Variants in PPARGC1A observed in about 807,000 individuals in gnomAD.
PPARGC1A encodes peroxisome proliferator-activated receptor gamma coactivator 1-alpha.
PPARGC1A carries 25 observed loss-of-function variants against 88.7 expected under a neutral mutation model. The ratio of observed to expected loss-of-function variants is 0.28; its 90% CI spans 0.21 to 0.39. The LOEUF (loss-of-function observed/expected upper bound fraction) is 0.39. Ranked by LOEUF, PPARGC1A falls within the 10% of genes least tolerant of loss-of-function variation. PPARGC1A has a pLI of 1.00. For missense variants in PPARGC1A, 880 were observed against 968.7 expected, an observed-to-expected ratio of 0.91 and a Z score of 1.22; for synonymous variants, 363 against 355.6, an observed-to-expected ratio of 1.02 and a Z score of -0.24.
chr4:24,051,831 G>A, the PPARGC1A span, among the ~76,000 whole-genome samples: 3 of 151,860 alleles, frequency 2.0e-5, no homozygotes, highest in Non-Finnish European at 2.9e-5. Context: ...TCTGGGAGGT[G>A]AGATTATGGA....
intron 12 of PPARGC1A, 84 bp from the exon 13 acceptor site, chr4:23,796,009 C>T (rs1031957801): frequency 1.4e-5 from 13 of 902,058 alleles, no homozygotes; most frequent in South Asian, 9.7e-5. Context: ...TTACTGGATT[C>T]GATAACAACT....
the PPARGC1A span, among the ~76,000 whole-genome samples, chr4:24,226,333 T>C: frequency 6.6e-6 from 1 of 152,164 alleles, no homozygotes; most frequent in South Asian, 2.1e-4. Flanking sequence ...CTTTAATAGA[T>C]GTTCGCCGTG....
chr4:23,894,054 T>C (rs536882518), upstream of PPARGC1A, among the ~76,000 whole-genome samples: 2 of 152,228 alleles, frequency 1.3e-5, no homozygotes, highest in South Asian at 4.1e-4. Flanking sequence ...GCTGAAAGCC[T>C]TTCTAGGAAG....
the PPARGC1A span, among the ~76,000 whole-genome samples, chr4:24,373,630 C>T: frequency 2.0e-4 from 31 of 151,986 alleles, no homozygotes; most frequent in African/African-American, 6.8e-4. Context: ...AATTTATAAA[C>T]GAGAGACAAG....
At chr4:23,827,493 G>A (rs573208180) in intron 5 of PPARGC1A, among the ~76,000 whole-genome samples, 15 of 152,064 alleles carry the variant, frequency 9.9e-5, no homozygotes, top group Non-Finnish European at 2.2e-4. Flanking sequence ...CCACCACAAG[G>A]TTAAAGTAGA....
the PPARGC1A span, among the ~76,000 whole-genome samples, chr4:24,348,484 G>A: frequency 6.6e-6 from 1 of 152,100 alleles, no homozygotes; most frequent in East Asian, 1.9e-4. Flanking sequence ...AGACTTCTTG[G>A]AGGCTTTGTT....
At chr4:23,924,398 C>T in the PPARGC1A span, among the ~76,000 whole-genome samples, 3 of 152,182 alleles carry the variant, frequency 2.0e-5, no homozygotes, top group Admixed American at 6.5e-5. Context: ...GAGGCCGAGG[C>T]GGGTGGATCA....
chr4:24,241,985 C>G, the PPARGC1A span, among the ~76,000 whole-genome samples: 15 of 152,302 alleles, frequency 9.8e-5, no homozygotes, highest in Admixed American at 9.8e-4. Flanking sequence ...ATTTCTCCAG[C>G]TATTAGGGAG....
the PPARGC1A span, among the ~76,000 whole-genome samples, chr4:24,184,645 A>C: frequency 6.6e-6 from 1 of 152,190 alleles, no homozygotes; most frequent in Non-Finnish European, 1.5e-5. Context: ...GAAAGTAATG[A>C]TGCTGCTCTT....
the PPARGC1A span, among the ~76,000 whole-genome samples, chr4:24,093,348 T>C: frequency 1.3e-5 from 2 of 152,242 alleles, no homozygotes; most frequent in Non-Finnish European, 2.9e-5. Context: ...GAAGATTATA[T>C]AGGAACATGC....
the PPARGC1A span, among the ~76,000 whole-genome samples, chr4:24,423,479 T>C: frequency 6.6e-6 from 1 of 152,120 alleles, no homozygotes; most frequent in African/African-American, 2.4e-5. Context: ...CAAAGAAGTA[T>C]TCTATTTGTA....
chr4:23,965,269 GTTGCTTGTGTATCAGTTCAATTTA>G, the PPARGC1A span, among the ~76,000 whole-genome samples: 1 of 152,186 alleles, frequency 6.6e-6, no homozygotes, highest in Non-Finnish European at 1.5e-5. Flanking sequence ...TAAAATCACA[GTTGCTTGTGTATCAGTTCAATTTA>G]TTGCTAGACC....
the PPARGC1A span, among the ~76,000 whole-genome samples, chr4:24,080,363 AAAGT>A: frequency 6.6e-6 from 1 of 151,998 alleles, no homozygotes; most frequent in African/African-American, 2.4e-5. Context: ...ATTATATCAA[AAAGT>A]TAGTTATTAA....
chr4:24,356,968 T>C, the PPARGC1A span, among the ~76,000 whole-genome samples: 1 of 152,118 alleles, frequency 6.6e-6, no homozygotes, highest in Non-Finnish European at 1.5e-5. Flanking sequence ...AAGGGAAGTA[T>C]TGAAGTGCAA....
the PPARGC1A span, among the ~76,000 whole-genome samples, chr4:24,426,354 C>G: frequency 2.0e-5 from 3 of 152,128 alleles, no homozygotes; most frequent in Non-Finnish European, 1.5e-5. Flanking sequence ...TCCCAAGTGC[C>G]ATTTAAAAAT....
chr4:23,906,045 C>A (rs948017325), upstream of PPARGC1A, among the ~76,000 whole-genome samples: 1 of 152,134 alleles, frequency 6.6e-6, no homozygotes, highest in African/African-American at 2.4e-5. Context: ...ACACATGGCA[C>A]CCTGCTCTGA....
chr4:23,916,025 C>A, the PPARGC1A span, among the ~76,000 whole-genome samples: 1 of 152,168 alleles, frequency 6.6e-6, no homozygotes, highest in African/African-American at 2.4e-5. Context: ...TGTGTGACCT[C>A]CAACAATTTA....
chr4:24,455,714 C>T, the PPARGC1A span, among the ~76,000 whole-genome samples: 1 of 152,260 alleles, frequency 6.6e-6, no homozygotes, highest in African/African-American at 2.4e-5. Context: ...CAAGAGTGAG[C>T]TTATTATAAG....
chr4:23,911,270 T>C, the PPARGC1A span, among the ~76,000 whole-genome samples: 1 of 152,186 alleles, frequency 6.6e-6, no homozygotes, highest in African/African-American at 2.4e-5. Context: ...ACTGGGCACA[T>C]TCAGGAAAAA....
Sources: allele counts gnomAD v4.1 joint callset (sites outside exome capture counted in the v4.1 genomes callset), GRCh38; gene constraint gnomAD v4.1.1; transcripts MANE v1.5; gene names NCBI Gene and HGNC (gene_info 2026-07-23, HGNC 2026-07-21).